Variants in LIPA observed in about 807,000 individuals in gnomAD.
LIPA encodes lipase A, lysosomal acid type, also known as lysosomal acid lipase/cholesteryl ester hydrolase.
In LIPA, 26 loss-of-function variants were observed where a neutral mutation model predicts 40.6. That is an observed-to-expected ratio of 0.64 (90% confidence interval 0.47 to 0.89). LIPA has a LOEUF of 0.89. Ranked by LOEUF, LIPA falls within the 40% of genes least tolerant of loss-of-function variation. The probability of loss-of-function intolerance (pLI) is 0.00; values close to 1 mark genes in which losing one functional copy is unlikely to be tolerated. For missense variants in LIPA, 455 were observed against 479.6 expected (o/e 0.95, Z 0.48); for synonymous variants, 188 against 168.4 (o/e 1.12, Z -0.90).
At chr10:89,260,767 G>A (rs997346701) in intron 1 of LIPA, among the ~76,000 whole-genome samples, 7 of 152,162 alleles carry the variant, frequency 4.6e-5, no homozygotes, top group African/African-American at 1.7e-4. Flanking sequence ...AGACTGCTCT[G>A]CCTCCCAAAG....
chr10:89,240,364 G>A (rs1253367006), intron 3 of LIPA, among the ~76,000 whole-genome samples: 1 of 152,170 alleles, frequency 6.6e-6, no homozygotes, highest in African/African-American at 2.4e-5. Context: ...GGGAGGCTGA[G>A]GGAGGATCAT....
intron 1 of LIPA, among the ~76,000 whole-genome samples, chr10:89,333,607 A>G (rs7088379): frequency 0.062 from 9,484 of 152,298 alleles, 710 homozygotes; most frequent in African/African-American, 0.18. Context: ...GGCTGAGGCA[A>G]GAGGATTGCT....
chr10:89,412,042 G>A (rs534447158), intron 2 of LIPA, among the ~76,000 whole-genome samples: 4 of 152,204 alleles, frequency 2.6e-5, no homozygotes, highest in African/African-American at 4.8e-5. Context: ...AACTTCTACC[G>A]AGGACCCCTG....
At chr10:89,314,641 C>T (rs1843532944) in intron 1 of LIPA, 2 of 152,198 alleles carry the variant, frequency 1.3e-5, no homozygotes, top group African/African-American at 4.8e-5. Context: ...GCACTCCAGC[C>T]TGGCTACAGA....
intron 1 of LIPA, among the ~76,000 whole-genome samples, chr10:89,322,232 G>T (rs1314005628): frequency 1.3e-5 from 2 of 151,998 alleles, no homozygotes; most frequent in Non-Finnish European, 2.9e-5. Flanking sequence ...AAAAAATGCA[G>T]TTTCGAGCTC....
At chr10:89,398,319 G>A (rs1036044792) in intron 2 of LIPA, among the ~76,000 whole-genome samples, 2 of 152,202 alleles carry the variant, frequency 1.3e-5, no homozygotes, top group Non-Finnish European at 2.9e-5. Context: ...CCACATGCGT[G>A]ATGTTCCCTG....
chr10:89,338,107 A>G (rs1289217204), intron 1 of LIPA: 1 of 152,520 alleles, frequency 6.6e-6, no homozygotes, highest in African/African-American at 2.4e-5. Flanking sequence ...AATGTTTTCA[A>G]TTTATGATGG....
At chr10:89,243,576 T>A (rs531158366) in intron 3 of LIPA, among the ~76,000 whole-genome samples, 1 of 146,942 alleles carries the variant, frequency 6.8e-6, no homozygotes, top group South Asian at 2.3e-4. Flanking sequence ...GTATATATAA[T>A]ATATCCCACA....
At chr10:89,319,748 A>G (rs911478726) in intron 1 of LIPA, among the ~76,000 whole-genome samples, 1 of 152,240 alleles carries the variant, frequency 6.6e-6, no homozygotes, top group Non-Finnish European at 1.5e-5. Context: ...AGCCTGGCAG[A>G]AACACAACAA....
intron 1 of LIPA, among the ~76,000 whole-genome samples, chr10:89,328,720 G>A (rs1396610418): frequency 2.6e-5 from 4 of 152,140 alleles, no homozygotes; most frequent in African/African-American, 9.7e-5. Context: ...TATTTTTATT[G>A]ATGTAGTGAA....
At chr10:89,224,241 A>G (rs750445491) in intron 6 of LIPA, among the ~76,000 whole-genome samples, 9 of 152,200 alleles carry the variant, frequency 5.9e-5, no homozygotes, top group Non-Finnish European at 1.2e-4. Context: ...ATCTAATTCA[A>G]TGCTACTGGC....
rs557937464 is a variant in LIPA at position 89,367,362 on chromosome 10, G to C, written c.61+45429C>G. Among the ~76,000 whole-genome samples the C allele has an allele frequency of 2.9e-3, 444 of 152,250 alleles. 3 individuals are homozygous for C. The highest frequency in any genetic ancestry group is 0.01 in the African/African-American group (419 of 41,554). ...GACAGAGATCTGCTGATTAGAGATTGTAAAGACAACACTTCTCCAATCAGA... is the reference window on the plus strand; with the variant it reads ...GACAGAGATCTGCTGATTAGAGATTCTAAAGACAACACTTCTCCAATCAGA... On this transcript the variant is annotated intron_variant, in intron 2 of 8. Coordinates refer to the LIPA transcript ENST00000371837.
chr10:89,269,636 A>T (rs1313639663), intron 1 of LIPA, among the ~76,000 whole-genome samples: 1 of 152,210 alleles, frequency 6.6e-6, no homozygotes, highest in Non-Finnish European at 1.5e-5. Flanking sequence ...TCTGAAGCTT[A>T]TATGTTCCTC....
intron 1 of LIPA, among the ~76,000 whole-genome samples, chr10:89,315,971 T>C (rs1341848348): frequency 6.6e-6 from 1 of 152,242 alleles, no homozygotes; most frequent in Non-Finnish European, 1.5e-5. Flanking sequence ...TTGTGCAGGT[T>C]AGTTACATAT....
chr10:89,241,965 C>A (rs1842970027), intron 3 of LIPA, among the ~76,000 whole-genome samples: 1 of 152,146 alleles, frequency 6.6e-6, no homozygotes, highest in Non-Finnish European at 1.5e-5. Context: ...CCTATTTGAA[C>A]CTGGCTGTCT....
upstream of LIPA, among the ~76,000 whole-genome samples, chr10:89,344,600 T>C (rs549491527): frequency 1.4e-5 from 2 of 144,360 alleles, no homozygotes; most frequent in African/African-American, 5.4e-5. Flanking sequence ...ATTCTCACTA[T>C]CCATGCGGCA....
At chr10:89,359,417 T>C (rs1177866488) in intron 2 of LIPA, among the ~76,000 whole-genome samples, 1 of 152,210 alleles carries the variant, frequency 6.6e-6, no homozygotes, top group Non-Finnish European at 1.5e-5. Context: ...AGGTTCCTAT[T>C]TTTGTTAACT....
chr10:89,312,798 G>T (rs112916229), intron 1 of LIPA, among the ~76,000 whole-genome samples: 1 of 150,938 alleles, frequency 6.6e-6, no homozygotes, highest in African/African-American at 2.4e-5. Context: ...GACACAGCAA[G>T]ACTCCCTCTC....
At chr10:89,362,542 CAT>C (rs1844029496) in intron 2 of LIPA, 1 of 290,888 alleles carries the variant, frequency 3.4e-6, no homozygotes, top group South Asian at 7.5e-5. Flanking sequence ...ACCAAGCAGA[CAT>C]GAGTGACCAG....
Sources: gnomAD v4.1 joint callset for allele counts (sites outside exome capture counted in the v4.1 genomes callset) on GRCh38, gnomAD v4.1.1 for gene constraint, MANE v1.5 for transcripts, NCBI Gene and HGNC (gene_info 2026-07-23, HGNC 2026-07-21) for gene names.